The following NTM variants were observed in gnomAD, a reference collection of about 807,000 sequenced individuals.
The protein encoded by NTM is neurotrimin, also known as IgLON family member 2.
NTM carries 13 observed loss-of-function variants against 42.1 expected under a neutral mutation model. That is an observed-to-expected ratio of 0.31 (90% confidence interval 0.20 to 0.49). The LOEUF (loss-of-function observed/expected upper bound fraction) is 0.49, where lower values mean the gene tolerates loss of function less well. Ranked by LOEUF, NTM falls within the 20% of genes least tolerant of loss-of-function variation. The pLI is 0.99. For missense variants in NTM, 373 were observed against 452.8 expected, an observed-to-expected ratio of 0.82 and a Z score of 1.60; for synonymous variants, 187 against 179.2, an observed-to-expected ratio of 1.04 and a Z score of -0.35.
intron 6 of NTM, among the ~76,000 whole-genome samples, 200 bp downstream of exon 6, chr11:132,310,432 T>G (rs1411697774): frequency 6.6e-6 from 1 of 152,200 alleles, no homozygotes; most frequent in East Asian, 1.9e-4. Flanking sequence ...CATGTAGAAT[T>G]ATCACTGGCC....
chr11:131,529,377 G>T (rs780969473), intron 1 of NTM, among the ~76,000 whole-genome samples: 3 of 152,192 alleles, frequency 2.0e-5, no homozygotes, highest in East Asian at 1.9e-4. Flanking sequence ...ATGCTTGCAC[G>T]TGCACACACA....
chr11:131,901,716 C>T (rs2053187579), intron 1 of NTM, among the ~76,000 whole-genome samples: 1 of 152,140 alleles, frequency 6.6e-6, no homozygotes, highest in African/African-American at 2.4e-5. Context: ...GATCCTGACA[C>T]CTTGTCAAAA....
chr11:131,370,932 G>A (rs1941074815), intron 1 of NTM, 44 bp downstream of exon 1: 16 of 1,609,038 alleles, frequency 9.9e-6, no homozygotes, highest in Non-Finnish European at 1.4e-5. Flanking sequence ...CCCAGGAATT[G>A]TACAGTGTGC....
At chr11:131,456,251 AAAACT>A (rs1037972280) in intron 1 of NTM, among the ~76,000 whole-genome samples, 9 of 152,330 alleles carry the variant, frequency 5.9e-5, no homozygotes, top group African/African-American at 1.9e-4. Flanking sequence ...GCTGTTAGAT[AAAACT>A]GGTTTTCAAT....
At chr11:131,500,843 G>T (rs1290550571) in intron 1 of NTM, among the ~76,000 whole-genome samples, 3 of 148,508 alleles carry the variant, frequency 2.0e-5, no homozygotes, top group East Asian at 4.0e-4. Context: ...GCGGTGTTTG[G>T]TTTTTTGTCC....
chr11:131,854,038 A>G (rs1162496525), intron 1 of NTM, among the ~76,000 whole-genome samples: 1 of 152,262 alleles, frequency 6.6e-6, no homozygotes, highest in Non-Finnish European at 1.5e-5. Context: ...GTTCATCTGT[A>G]GTAGTTTAGG....
intron 4 of NTM, among the ~76,000 whole-genome samples, chr11:132,263,537 C>A (rs1473582919): frequency 2.0e-5 from 3 of 152,194 alleles, no homozygotes; most frequent in Non-Finnish European, 4.4e-5. Context: ...TCCAAACATG[C>A]TTTTACATTT....
At chr11:131,989,071 A>G (rs770214988) in intron 2 of NTM, among the ~76,000 whole-genome samples, 4 of 152,190 alleles carry the variant, frequency 2.6e-5, no homozygotes, top group Non-Finnish European at 4.4e-5. Context: ...ATACAATAGA[A>G]TTTATTGGTA....
At chr11:131,827,149 T>A (rs959152667) in intron 1 of NTM, among the ~76,000 whole-genome samples, 1 of 152,056 alleles carries the variant, frequency 6.6e-6, no homozygotes, top group African/African-American at 2.4e-5. Flanking sequence ...TAAAGTCTAT[T>A]TGGAAAGGGG....
intron 1 of NTM, among the ~76,000 whole-genome samples, chr11:131,635,555 G>T (rs1429295499): frequency 1.3e-5 from 2 of 152,008 alleles, no homozygotes; most frequent in Non-Finnish European, 2.9e-5. Flanking sequence ...CTATAAAAGA[G>T]TTTAAAAGTT....
chr11:131,438,225 A>C (rs375281319), intron 1 of NTM, among the ~76,000 whole-genome samples: 2 of 152,052 alleles, frequency 1.3e-5, no homozygotes, highest in East Asian at 3.9e-4. Context: ...TTTTTCCTTC[A>C]TTTCAACCTT....
At chr11:131,635,550 A>G (rs1304290749) in intron 1 of NTM, among the ~76,000 whole-genome samples, 2 of 152,190 alleles carry the variant, frequency 1.3e-5, no homozygotes, top group African/African-American at 2.4e-5. Context: ...TATTACTATA[A>G]AAGAGTTTAA....
At chr11:132,303,688 G>A (rs182650768) in intron 4 of NTM, among the ~76,000 whole-genome samples, 1 of 140,514 alleles carries the variant, frequency 7.1e-6, no homozygotes, top group African/African-American at 2.7e-5. Context: ...TGCTTAGATA[G>A]ATAGGGCACA....
At chr11:132,075,076 T>C (rs1184059450) in intron 2 of NTM, among the ~76,000 whole-genome samples, 1 of 152,118 alleles carries the variant, frequency 6.6e-6, no homozygotes, top group Non-Finnish European at 1.5e-5. Flanking sequence ...CTGAATGAAA[T>C]AAACCAGTCA....
chr11:132,116,308 T>C (rs1446960073), intron 2 of NTM, among the ~76,000 whole-genome samples: 2 of 152,130 alleles, frequency 1.3e-5, no homozygotes, highest in Admixed American at 1.3e-4. Context: ...GCTAGGACCA[T>C]GGAGGTAGGG....
chr11:131,549,231 C>A (rs1308560879), intron 1 of NTM, among the ~76,000 whole-genome samples: 1 of 152,134 alleles, frequency 6.6e-6, no homozygotes, highest in Non-Finnish European at 1.5e-5. Flanking sequence ...GGCATAGAAG[C>A]TGAGGCCACT....
chr11:131,951,766 G>A (rs2061008002), intron 2 of NTM, among the ~76,000 whole-genome samples: 1 of 145,240 alleles, frequency 6.9e-6, no homozygotes, highest in African/African-American at 2.6e-5. Flanking sequence ...AGGTTGCAGT[G>A]AGCTGAGATT....
intron 2 of NTM, among the ~76,000 whole-genome samples, chr11:132,144,632 G>A (rs2069941396): frequency 6.6e-6 from 1 of 152,190 alleles, no homozygotes; most frequent in Non-Finnish European, 1.5e-5. Flanking sequence ...TAGACTGGGG[G>A]TGAGACTAAG....
intron 7 of NTM, among the ~76,000 whole-genome samples, chr11:132,315,988 AGGAAGGAACAGACCC>A: frequency 6.6e-6 from 1 of 151,964 alleles, no homozygotes; most frequent in East Asian, 1.9e-4. Flanking sequence ...GACCAGGATT[AGGAAGGAACAGACCC>A]CTCCTTCCCT....
Sources: gnomAD v4.1 joint callset for allele counts (sites outside exome capture counted in the v4.1 genomes callset) on GRCh38, gnomAD v4.1.1 for gene constraint, MANE v1.5 for transcripts, NCBI Gene and HGNC (gene_info 2026-07-23, HGNC 2026-07-21) for gene names.